The following TOX variants were observed in gnomAD, a reference collection of about 807,000 sequenced individuals.
TOX encodes the protein thymocyte selection-associated high mobility group box protein TOX.
TOX carries 11 observed loss-of-function variants against 53.7 expected under a neutral mutation model. The observed-to-expected ratio is 0.20, with a 90% CI of 0.13 to 0.34. The LOEUF (loss-of-function observed/expected upper bound fraction) is 0.34. Among genes scored for constraint, TOX ranks in the 10% least tolerant of loss-of-function variants. The pLI is 1.00. For synonymous variants in TOX, 225 were observed against 245.3 expected, an observed-to-expected ratio of 0.92 and a Z score of 0.77; for missense variants, 570 against 664.6, an observed-to-expected ratio of 0.86 and a Z score of 1.56.
At chr8:59,075,699 A>G (rs1018098653) in intron 1 of TOX, among the ~76,000 whole-genome samples, 8 of 152,220 alleles carry the variant, frequency 5.3e-5, no homozygotes, top group African/African-American at 1.9e-4. Flanking sequence ...TTTTGTAGTC[A>G]GCAGCACAGT....
At chr8:59,049,146 C>A (rs1095511) in intron 1 of TOX, among the ~76,000 whole-genome samples, 9 of 151,780 alleles carry the variant, frequency 5.9e-5, no homozygotes, top group Admixed American at 5.9e-4. Context: ...AAAACATGCA[C>A]GCTTAAAACA....
At chr8:58,904,260 A>G (rs1811777400) in intron 3 of TOX, among the ~76,000 whole-genome samples, 1 of 152,044 alleles carries the variant, frequency 6.6e-6, no homozygotes, top group Non-Finnish European at 1.5e-5. Context: ...TTTAATAACC[A>G]TCTTTCCTGC....
At chr8:58,926,729 T>C (rs1812167451) in intron 3 of TOX, among the ~76,000 whole-genome samples, 1 of 152,164 alleles carries the variant, frequency 6.6e-6, no homozygotes, top group African/African-American at 2.4e-5. Flanking sequence ...AAGAATACCT[T>C]GAGGTTGGCC....
chr8:58,938,976 G>C (rs1222776696), intron 3 of TOX, among the ~76,000 whole-genome samples: 2 of 152,238 alleles, frequency 1.3e-5, no homozygotes, highest in Non-Finnish European at 2.9e-5. Flanking sequence ...TCCACTGGAT[G>C]AGAGGTGGCA....
At chr8:58,849,964 C>T (rs1484678201) in intron 4 of TOX, among the ~76,000 whole-genome samples, 1 of 152,074 alleles carries the variant, frequency 6.6e-6, no homozygotes, top group African/African-American at 2.4e-5. Flanking sequence ...TACCTGGAGC[C>T]ATTGGAATAA....
rs752643590 is a variant in TOX, at chr8:59,043,224, T to TGTGC, written c.102+75661_102+75662insGCAC. Among the ~76,000 whole-genome samples the TGTGC allele has an allele frequency of 3.0e-4, 45 of 151,412 alleles. 1 individual carries two copies. Among genetic ancestry groups the TGTGC allele is most frequent in the Non-Finnish European group, 1.0e-4 (7 of 67,772 alleles). The stretch of plus-strand genomic sequence containing the variant: ...TTCTGTGTGTGTGTGTGTGTGTGTG[T>TGTGC]GCATCTGTGTGTGTCTGTGTGTAAA... On this transcript the variant is annotated intron_variant, in intron 1 of 8. Transcript: ENST00000361421.
intron 8 of TOX, 107 bp downstream of exon 8, chr8:58,808,011 G>T (rs1810009524): frequency 1.4e-6 from 2 of 1,465,044 alleles, no homozygotes; most frequent in Non-Finnish European, 9.2e-7. Flanking sequence ...TCATGAACGT[G>T]AAACTATCCC....
At chr8:58,905,079 C>T (rs553391872) in intron 3 of TOX, among the ~76,000 whole-genome samples, 14 of 152,222 alleles carry the variant, frequency 9.2e-5, no homozygotes, top group Middle Eastern at 3.4e-3. Context: ...ACTACAGGCG[C>T]GCGCCACCAC....
intron 1 of TOX, among the ~76,000 whole-genome samples, chr8:59,107,587 C>T (rs928274460): frequency 1.3e-5 from 2 of 152,140 alleles, no homozygotes; most frequent in African/African-American, 2.4e-5. Context: ...ACAGTCATGA[C>T]AAATTGCCTT....
intron 1 of TOX, among the ~76,000 whole-genome samples, chr8:58,998,348 G>A (rs114306576): frequency 0.19 from 29,097 of 149,934 alleles, 3,030 homozygotes; most frequent in Non-Finnish European, 0.22. Context: ...AATTAGCCAG[G>A]TTCGGTGGCA....
chr8:59,114,844 A>G (rs1805075685), intron 1 of TOX, among the ~76,000 whole-genome samples: 1 of 152,226 alleles, frequency 6.6e-6, no homozygotes, highest in Non-Finnish European at 1.5e-5. Context: ...AATACATAAT[A>G]CATTTTAAAT....
chr8:59,100,045 C>A (rs1804779604), intron 1 of TOX, among the ~76,000 whole-genome samples: 1 of 150,430 alleles, frequency 6.6e-6, no homozygotes, highest in Non-Finnish European at 1.5e-5. Context: ...TTTTTTTTCC[C>A]ATAAAATGCA....
intron 1 of TOX, among the ~76,000 whole-genome samples, chr8:58,987,387 T>A (rs1381415000): frequency 6.6e-6 from 1 of 152,118 alleles, no homozygotes; most frequent in African/African-American, 2.4e-5. Flanking sequence ...TGCTAGGAAA[T>A]AAACCTTTTC....
intron 1 of TOX, among the ~76,000 whole-genome samples, chr8:59,016,056 A>G (rs1244281336): frequency 6.6e-6 from 1 of 152,178 alleles, no homozygotes; most frequent in Non-Finnish European, 1.5e-5. Flanking sequence ...ATTAGTTTAA[A>G]GAAATCCATA....
chr8:59,100,027 G>A (rs1804778544), intron 1 of TOX, among the ~76,000 whole-genome samples: 4 of 151,826 alleles, frequency 2.6e-5, no homozygotes, highest in Admixed American at 2.6e-4. Context: ...GAGTAGAATT[G>A]CATCTTTTTT....
chr8:58,945,047 G>A (rs1208385285), intron 2 of TOX, among the ~76,000 whole-genome samples: 2 of 152,192 alleles, frequency 1.3e-5, no homozygotes, highest in African/African-American at 4.8e-5. Flanking sequence ...GTGGGGAACA[G>A]GGTGGCAAAG....
intron 1 of TOX, among the ~76,000 whole-genome samples, chr8:59,072,262 G>A (rs1563437316): frequency 6.6e-6 from 1 of 152,208 alleles, no homozygotes; most frequent in Non-Finnish European, 1.5e-5. Flanking sequence ...AGTTTAGATT[G>A]TATCTTTCCT....
At chr8:58,873,421 T>C (rs938219689) in intron 3 of TOX, among the ~76,000 whole-genome samples, 7 of 152,130 alleles carry the variant, frequency 4.6e-5, no homozygotes, top group Non-Finnish European at 8.8e-5. Context: ...AGACAAAGTT[T>C]CATATCTGTT....
chr8:58,927,466 C>T (rs1812183257), intron 3 of TOX, among the ~76,000 whole-genome samples: 1 of 152,212 alleles, frequency 6.6e-6, no homozygotes, highest in Non-Finnish European at 1.5e-5. Context: ...CACCTGCCAG[C>T]TGTCCATCCC....
Sources: gnomAD v4.1 joint callset for allele counts (sites outside exome capture counted in the v4.1 genomes callset) on GRCh38, gnomAD v4.1.1 for gene constraint, MANE v1.5 for transcripts, NCBI Gene and HGNC (gene_info 2026-07-23, HGNC 2026-07-21) for gene names.